Variants in NAALADL2 observed in about 807,000 individuals in gnomAD.
NAALADL2 encodes the protein inactive N-acetylated-alpha-linked acidic dipeptidase-like protein 2.
In NAALADL2, 76 loss-of-function variants were observed where a neutral mutation model predicts 87.2. That is an observed-to-expected ratio of 0.87 (90% CI 0.72 to 1.05). NAALADL2 has a LOEUF of 1.05. Ranked by LOEUF, NAALADL2 falls within the 50% of genes least tolerant of loss-of-function variation. The probability of loss-of-function intolerance (pLI) is 0.00; values close to 1 mark genes in which losing one functional copy is unlikely to be tolerated. For missense variants in NAALADL2, 1,089 were observed against 945.8 expected, an observed-to-expected ratio of 1.15 and a Z score of -1.99; for synonymous variants, 354 against 331.0, an observed-to-expected ratio of 1.07 and a Z score of -0.75.
intron 1 of NAALADL2, among the ~76,000 whole-genome samples, chr3:174,503,615 A>C (rs556470976): frequency 1.2e-4 from 18 of 152,280 alleles, no homozygotes; most frequent in African/African-American, 3.8e-4. Context: ...AAAATAGCTC[A>C]TTGAGATTTG....
Position 175,144,429 on chromosome 3 carries a change from GAGTTA to G in NAALADL2, c.545+47143_545+47147del, listed in dbSNP as rs371433267. Among the ~76,000 whole-genome samples the G allele has an allele frequency of 1.4e-3, 208 of 152,024 alleles. 2 individuals carry two copies. The highest frequency in any genetic ancestry group is 6.0e-3 in the East Asian group (31 of 5,178). ...TCAGTGGTTATTCTGAAAAATATAT[GAGTTA>G]AGTTGAGTTTTGTGTTTATTTTTTC... On this transcript the variant is annotated intron_variant, in intron 2 of 13. Coordinates refer to ENST00000454872, the MANE Select transcript of NAALADL2 (RefSeq NM_207015.3).
In NAALADL2 at chr3:175,538,583, A is replaced by G. The variant is rs185867723; in HGVS notation, c.1654-37458A>G. ...TCCTAATATTGAATTATATAGATAT[A>G]GGAATAGATAGATAGAGATATAAAT... On this transcript the variant is annotated intron_variant, in intron 9 of 13. Coordinates refer to ENST00000454872, the MANE Select transcript of NAALADL2 (RefSeq NM_207015.3). Among the ~76,000 whole-genome samples the G allele has an allele frequency of 2.4e-3, 364 of 152,304 alleles. 3 individuals are homozygous for G. The highest frequency in any genetic ancestry group is 8.2e-3 in the African/African-American group (341 of 41,582).
At chr3:174,894,554 A>G (rs1320501587) in intron 1 of NAALADL2, among the ~76,000 whole-genome samples, 1 of 131,836 alleles carries the variant, frequency 7.6e-6, no homozygotes, top group Non-Finnish European at 1.6e-5. Context: ...AGATCATGCC[A>G]CTGCACTCCA....
rs544790336 is a variant in NAALADL2, at chr3:175,024,480, T to C, written c.44-72310T>C. 5.3e-5 allele frequency among the ~76,000 whole-genome samples: 8 copies of C among 152,188 alleles called. No individual in the cohort carries two copies. The South Asian group carries it at 1.7e-3, about 32-fold the overall frequency. The stretch of plus-strand genomic sequence containing the variant: ...GGAGATACCTGCTAGGTGGATGATA[T>C]CTTAAAGAGAAAATACAAAATCATT... On this transcript the variant is annotated intron_variant, in intron 1 of 13. Transcript: ENST00000454872.
At chr3:175,618,551 A>G (rs1045714481) in intron 10 of NAALADL2, among the ~76,000 whole-genome samples, 1 of 152,140 alleles carries the variant, frequency 6.6e-6, no homozygotes, top group African/African-American at 2.4e-5. Context: ...AAGGAGTTCT[A>G]GTGATTCAGC....
At position 175,497,226 on chromosome 3, in the gene NAALADL2, C is replaced by T. The variant is rs543177002; in HGVS notation, c.1653+25468C>T. ...AGTAGCTGAGACTTACAGGCACCTG[C>T]CACCACAACTGGCTATCAGACAGCT... On this transcript the variant is annotated intron_variant, in intron 9 of 13. Coordinates refer to ENST00000454872, the MANE Select transcript of NAALADL2 (RefSeq NM_207015.3). 1.8e-3 allele frequency among the ~76,000 whole-genome samples: 280 copies of T among 152,236 alleles called. 2 individuals are homozygous for T. Among genetic ancestry groups the T allele is most frequent in the Non-Finnish European group, 2.2e-3 (148 of 68,016 alleles).
rs752378938 is a variant in NAALADL2, at chr3:175,627,312, G to C, written c.1822G>C (p.Ala608Pro). The change falls in exon 11 of 14, where the codon GCC (alanine) becomes CCC (proline). Residue 608 changes from alanine (A) to proline (P), a missense_variant. By Grantham distance (27) the Ala-to-Pro change is conservative. Transcript: ENST00000454872. ...TLEGPSFLSE[A>P]RFSTRATKIE... ...GCAGGGTCCAAGTTTTCTCTCCGAGGCCCGTTTTTCTACACGAGCAACAAA... is the reference window on the plus strand; with the variant it reads ...GCAGGGTCCAAGTTTTCTCTCCGAGCCCCGTTTTTCTACACGAGCAACAAA... 1.3e-6 allele frequency: 2 copies of C among 1,568,082 alleles called. No homozygotes were observed. The highest frequency in any genetic ancestry group is 1.7e-6 in the Non-Finnish European group (2 of 1,154,116).
At chr3:174,938,383 G>A (rs924559161) in intron 1 of NAALADL2, among the ~76,000 whole-genome samples, 3 of 151,898 alleles carry the variant, frequency 2.0e-5, no homozygotes, top group South Asian at 2.1e-4. Context: ...GCATCGTATC[G>A]CATGGTATAA....
intron 1 of NAALADL2, among the ~76,000 whole-genome samples, chr3:174,878,982 T>C (rs1488382961): frequency 2.0e-5 from 3 of 152,088 alleles, no homozygotes; most frequent in Non-Finnish European, 4.4e-5. Flanking sequence ...TCAATCTCAG[T>C]ACGCATATTT....
chr3:175,667,412 G>GA (rs923066275), intron 11 of NAALADL2, among the ~76,000 whole-genome samples: 2 of 152,052 alleles, frequency 1.3e-5, no homozygotes, highest in African/African-American at 4.8e-5. Context: ...AATCTTAATA[G>GA]ATCTCCTTAT....
chr3:175,019,640 T>G (rs1417585212), intron 1 of NAALADL2, among the ~76,000 whole-genome samples: 1 of 151,982 alleles, frequency 6.6e-6, no homozygotes, highest in African/African-American at 2.4e-5. Flanking sequence ...TTTCACTTCG[T>G]TGACCATTTT....
intron 3 of NAALADL2, among the ~76,000 whole-genome samples, chr3:174,852,547 A>T (rs1374170368): frequency 6.6e-6 from 1 of 152,174 alleles, no homozygotes; most frequent in Non-Finnish European, 1.5e-5. Flanking sequence ...TAAAACATTG[A>T]TGAAAGAAAT....
chr3:174,693,846 C>T (rs1425941833), intron 2 of NAALADL2, among the ~76,000 whole-genome samples: 1 of 152,098 alleles, frequency 6.6e-6, no homozygotes, highest in East Asian at 1.9e-4. Flanking sequence ...CTTCTAGTCA[C>T]AGATCATTTA....
rs186617221 is a variant in NAALADL2, at chr3:175,216,894, C to T, written c.546-17037C>T. ...ATGTTGGCCAGGCTGGTCTCGAACT[C>T]CTGACCTCGTGATCTGCCCGCCTCA... On this transcript the variant is annotated intron_variant, in intron 2 of 13. Transcript: ENST00000454872. Among the ~76,000 whole-genome samples, 7 of 152,170 alleles carry T rather than the reference C, an allele frequency of 4.6e-5. No individual in the cohort carries two copies. In the East Asian group the frequency reaches 1.2e-3, roughly 25 times the overall value.
rs537987097 is a variant in NAALADL2 at position 175,087,297 on chromosome 3, C to T, written c.44-9493C>T. Among the ~76,000 whole-genome samples, 147 of 152,216 alleles carry T rather than the reference C, an allele frequency of 9.7e-4. 1 individual carries two copies. Among genetic ancestry groups the T allele is most frequent in the Middle Eastern group, 3.4e-3 (1 of 294 alleles). The stretch of plus-strand genomic sequence containing the variant: ...CGGGAGGGAGGTGGGGGGCAGCCCC[C>T]GCCCTGGCAGCTGCCCCTTCCGGGA... On this transcript the variant is annotated intron_variant, in intron 1 of 13. Coordinates refer to ENST00000454872, the MANE Select transcript of NAALADL2 (RefSeq NM_207015.3).
At chr3:175,333,485 G>T (rs1238316317) in intron 5 of NAALADL2, among the ~76,000 whole-genome samples, 8 of 152,174 alleles carry the variant, frequency 5.3e-5, no homozygotes, top group African/African-American at 1.9e-4. Context: ...ATACTATTTA[G>T]CCATCAAAGA....
At chr3:174,759,224 A>G (rs1712567913) in intron 3 of NAALADL2, among the ~76,000 whole-genome samples, 1 of 152,182 alleles carries the variant, frequency 6.6e-6, no homozygotes, top group Admixed American at 6.6e-5. Flanking sequence ...TGTGTTGTTA[A>G]TTTGCATTCA....
At position 175,345,547 on chromosome 3, in the gene NAALADL2, G is replaced by A. The variant is rs115097712; in HGVS notation, c.1090+21222G>A. On this transcript the variant is annotated intron_variant, in intron 5 of 13. Transcript: ENST00000454872. ...AGCTTTCTGTTGTAGGGCAAAGAGA[G>A]AGTAAAAGTAAGAGTGGTTTCTAAA... Among the ~76,000 whole-genome samples, 1,021 of 152,226 alleles carry A rather than the reference G, an allele frequency of 6.7e-3. 13 individuals are homozygous for A. The highest frequency in any genetic ancestry group is 0.023 in the African/African-American group (961 of 41,540).
intron 2 of NAALADL2, among the ~76,000 whole-genome samples, chr3:174,654,599 A>G (rs1035505232): frequency 6.6e-6 from 1 of 152,184 alleles, no homozygotes; most frequent in Non-Finnish European, 1.5e-5. Flanking sequence ...TCAAATTGAG[A>G]AGCTGCTCTC....
Sources: gnomAD v4.1 joint callset for allele counts (sites outside exome capture counted in the v4.1 genomes callset) on GRCh38, gnomAD v4.1.1 for gene constraint, MANE v1.5 for transcripts, NCBI Gene and HGNC (gene_info 2026-07-23, HGNC 2026-07-21) for gene names.